Variants in BEST1 observed in about 807,000 individuals in gnomAD.
BEST1 encodes bestrophin-1.
A neutral mutation model predicts 63.3 loss-of-function variants in BEST1; 58 were observed. The ratio of observed to expected loss-of-function variants is 0.92; its 90% confidence interval spans 0.74 to 1.14. BEST1 has a LOEUF of 1.14. BEST1 is among the 50% of genes most tolerant of loss of function. The probability of loss-of-function intolerance (pLI) is 0.00; values close to 1 mark genes in which losing one functional copy is unlikely to be tolerated. For synonymous variants in BEST1, 283 were observed against 291.6 expected, an observed-to-expected ratio of 0.97 and a Z score of 0.30; for missense variants, 671 against 740.1, an observed-to-expected ratio of 0.91 and a Z score of 1.08.
rs1289896142 is a variant in BEST1 at position 61,963,659 on chromosome 11, G to C, written c.1740-445G>C. On this transcript the variant is annotated intron_variant, in intron 10 of 10. Transcript: ENST00000378043. ...AGCTATTATGATTGAAAACTTAAAA[G>C]GGCAACAATTTCAGTCTTGCTTCTA... The C allele has an allele frequency of 2.8e-6, 3 of 1,056,734 alleles. No homozygotes were observed. The African/African-American group carries it at 5.0e-5, about 18-fold the overall frequency. 65.5% of individuals were successfully genotyped at this position (1,056,734 alleles called of 1,614,324 possible).
At chr11:61,963,213 G>A (rs974069121) in intron 10 of BEST1, 3 of 1,414,136 alleles carry the variant, frequency 2.1e-6, no homozygotes, top group African/African-American at 2.9e-5. Flanking sequence ...GCTTAGCTGA[G>A]CAGATGTTAT....
In BEST1 at chr11:61,955,136, T is replaced by A; in HGVS notation, c.182T>A (p.Met61Lys). The change falls in exon 3 of 11, where the codon ATG becomes AAG. Residue 61 changes from methionine (M) to lysine (K), a missense_variant. By Grantham distance (95) the Met-to-Lys change is moderately conservative. Coordinates refer to ENST00000378043, the MANE Select transcript of BEST1 (RefSeq NM_004183.4). ...GCCCTCACGGAAGAACAACAGCTGATGTTTGAGAAACTGACTCTGTATTGC... is the reference window on the plus strand; with the variant it reads ...GCCCTCACGGAAGAACAACAGCTGAAGTTTGAGAAACTGACTCTGTATTGC... ...RLALTEEQQLMFEKLTLYCDS... is the reference protein window; with the variant it reads ...RLALTEEQQLKFEKLTLYCDS... 1 of 1,570,390 alleles carries A rather than the reference T, an allele frequency of 6.4e-7. No individual in the cohort carries two copies. Among genetic ancestry groups the A allele is most frequent in the Non-Finnish European group, 8.8e-7 (1 of 1,139,688 alleles).
rs1941088470 is a variant in BEST1 at position 61,954,751 on chromosome 11, A to T, written c.153-356A>T. 5 of 976,180 alleles carry T rather than the reference A, an allele frequency of 5.1e-6. No homozygotes were observed. The African/African-American group carries it at 8.8e-5, about 17-fold the overall frequency. The allele number at this position is 976,180 out of a possible 1,614,324, so 60.5% of individuals were successfully genotyped here. On this transcript the variant is annotated intron_variant, in intron 2 of 10. Coordinates refer to ENST00000378043, the MANE Select transcript of BEST1 (RefSeq NM_004183.4). Reference sequence around the variant, plus strand: ...AGGCGTGAACCACCGTGCCCGTCCCAAACACTCTGTTTCGACCTGCTTTTA... The same window carrying T: ...AGGCGTGAACCACCGTGCCCGTCCCTAACACTCTGTTTCGACCTGCTTTTA...
chr11:61,959,830 C>T (rs746327193), intron 8 of BEST1, 62 bp from the exon 9 acceptor site: 5 of 1,598,898 alleles, frequency 3.1e-6, no homozygotes, highest in Non-Finnish European at 4.3e-6. Context: ...AGTCATCAGG[C>T]ACATACAAGG....
At chr11:61,959,388 G>T in intron 7 of BEST1, 110 bp from the exon 8 acceptor site, 1 of 1,047,526 alleles carries the variant, frequency 9.5e-7, no homozygotes, top group Non-Finnish European at 1.5e-6. Flanking sequence ...CAGTGGTCAG[G>T]CAGGAAGGGC....
chr11:61,956,659 G>T (rs1229630574), intron 4 of BEST1, among the ~76,000 whole-genome samples, 185 bp from the exon 5 acceptor site: 2 of 152,036 alleles, frequency 1.3e-5, no homozygotes, highest in African/African-American at 2.4e-5. Context: ...CCTTTCTCTG[G>T]AAATAAATAA....
intron 4 of BEST1, among the ~76,000 whole-genome samples, chr11:61,956,285 G>T (rs1053527204): frequency 1.3e-5 from 2 of 152,082 alleles, no homozygotes; most frequent in African/African-American, 4.8e-5. Context: ...TTGATCTCCG[G>T]TTTCCACTCT....
At position 61,962,410 on chromosome 11, in the gene BEST1, C is replaced by A; in HGVS notation, c.1256C>A (p.Ser419Tyr). ...AAACTACTGTGGCCCAAGAGGGAAT[C>A]CCTTCTCCACGAGGGCCTGCCCAAA... ...RTKLLWPKRE[S>Y]LLHEGLPKNH... The change falls in exon 10 of 11, where the codon TCC becomes TAC. Residue 419 changes from serine to tyrosine, a missense_variant. Physicochemically the swap from Ser to Tyr is moderately radical, Grantham distance 144. Transcript: ENST00000378043. The A allele has an allele frequency of 6.2e-7, 1 of 1,614,204 alleles. No individual in the cohort carries two copies. Among genetic ancestry groups the A allele is most frequent in the South Asian group, 1.1e-5 (1 of 91,090 alleles).
In BEST1 at chr11:61,958,248, G is replaced by T; in HGVS notation, c.817G>T (p.Val273Leu). Residue 273 changes from valine to leucine, a missense_variant, in exon 7 of 11, where the codon GTG (valine) becomes TTG (leucine). Transcript: ENST00000378043. Reference sequence around the variant, plus strand: ...CCCTGGCCATGAGCTGGACCTCGTTGTGCCCGTCTTCACGTTCCTGCAGTT... The same window carrying T: ...CCCTGGCCATGAGCTGGACCTCGTTTTGCCCGTCTTCACGTTCCTGCAGTT... ...AYPGHELDLV[V>L]PVFTFLQFFF... The T allele has an allele frequency of 1.2e-6, 2 of 1,614,216 alleles. No homozygotes were observed. Among genetic ancestry groups the T allele is most frequent in the Non-Finnish European group, 1.7e-6 (2 of 1,180,036 alleles).
Position 61,955,202 on chromosome 11 carries a change from GT to G in BEST1, c.247+2del, listed in dbSNP as rs1565387045. On this transcript the variant is annotated splice_donor_variant, in intron 3 of 10. Transcript: ENST00000378043. LOFTEE classifies it high-confidence loss of function. ...CTCATCCCCATTTCCTTCGTGCTGG[GT>G]GAGTTCCCCCTTCTGGCTGTTCCGG... 1 of 1,614,134 alleles carries G rather than the reference GT, an allele frequency of 6.2e-7. No homozygotes were observed. Among genetic ancestry groups the G allele is most frequent in the Non-Finnish European group, 8.5e-7 (1 of 1,180,010 alleles).
chr11:61,955,652 C>A, intron 3 of BEST1, 66 bp from the exon 4 acceptor site: 2 of 1,477,576 alleles, frequency 1.4e-6, no homozygotes, highest in Non-Finnish European at 1.8e-6. Context: ...CATCGCCGGG[C>A]GCTGGGCCCT....
chr11:61,963,322 G>A (rs1005582503), intron 10 of BEST1: 5 of 1,333,136 alleles, frequency 3.8e-6, no homozygotes, highest in Non-Finnish European at 3.8e-6. Context: ...TAACTATTTA[G>A]GGTAGTACCC....
At position 61,958,127 on chromosome 11, in the gene BEST1, A is replaced by ATCCTCCTCG; in HGVS notation, c.715-11_715-10insGTCCTCCTC. The ATCCTCCTCG allele has an allele frequency of 1.9e-6, 3 of 1,544,422 alleles. No individual in the cohort carries two copies. The highest frequency in any genetic ancestry group is 2.7e-6 in the Non-Finnish European group (3 of 1,127,748). On this transcript the variant is annotated intron_variant, in intron 6 of 10. Transcript: ENST00000378043. Reference sequence around the variant, plus strand: ...TTCCCACCTAGCCCTTTGCTACCACATCCTCCTCCTCCTCCCAGGTGGTGA... The same window carrying ATCCTCCTCG: ...TTCCCACCTAGCCCTTTGCTACCACATCCTCCTCGTCCTCCTCCTCCTCCCAGGTGGTGA...
At chr11:61,963,974 C>A in intron 10 of BEST1, 130 bp from the exon 11 acceptor site, 1 of 1,507,832 alleles carries the variant, frequency 6.6e-7, no homozygotes, top group Non-Finnish European at 8.8e-7. Context: ...GCCTGGGCGA[C>A]GGAGTGAGAC....
intron 4 of BEST1, 31 bp from the exon 5 acceptor site, chr11:61,956,813 C>A: frequency 6.2e-7 from 1 of 1,613,724 alleles, no homozygotes; most frequent in Non-Finnish European, 8.5e-7. Flanking sequence ...CAGGTTCTCC[C>A]ACCCACCGCC....
Position 61,964,428 on chromosome 11 carries a change from A to G in BEST1, c.*306A>G, listed in dbSNP as rs781003636. On this transcript the variant is annotated 3_prime_UTR_variant, in exon 11 of 11. Transcript: ENST00000378043. Reference sequence around the variant, plus strand: ...ACAGCCACACCTTAGTATACTGCCCAAACTAATGAGTTTAATAAATACAAA... The same window carrying G: ...ACAGCCACACCTTAGTATACTGCCCGAACTAATGAGTTTAATAAATACAAA... 1 of 619,032 alleles carries G rather than the reference A, an allele frequency of 1.6e-6. No individual in the cohort carries two copies. The highest frequency in any genetic ancestry group is 2.8e-6 in the Non-Finnish European group (1 of 357,802). 38.3% of individuals were successfully genotyped at this position (619,032 alleles called of 1,614,324 possible).
rs1942378999 is a variant in BEST1 at position 61,964,343 on chromosome 11, A to G, written c.*221A>G. The stretch of plus-strand genomic sequence containing the variant: ...GTGAAAGCTAGACTGAACCATTGGA[A>G]ACATTTAACTCAGACTCTGGATTCA... On this transcript the variant is annotated 3_prime_UTR_variant, in exon 11 of 11. Transcript: ENST00000378043. 9 of 897,566 alleles carry G rather than the reference A, an allele frequency of 1.0e-5. No individual in the cohort carries two copies. The highest frequency in any genetic ancestry group is 1.3e-5 in the Non-Finnish European group (8 of 606,932). The allele number at this position is 897,566 out of a possible 1,614,324, so 55.6% of individuals were successfully genotyped here.
intron 7 of BEST1, chr11:61,958,873 GACAC>G (rs71471844): frequency 5.1e-4 from 99 of 192,632 alleles, no homozygotes; most frequent in African/African-American, 1.0e-3. Context: ...CTGTCACTGT[GACAC>G]ACACACACAC....
At chr11:61,954,792 G>T (rs1382583519) in intron 2 of BEST1, 11 of 985,152 alleles carry the variant, frequency 1.1e-5, no homozygotes, top group Non-Finnish European at 1.3e-5. Context: ...CTGACCCTTG[G>T]CTGCATTCAA....
Sources: allele counts gnomAD v4.1 joint callset (sites outside exome capture counted in the v4.1 genomes callset), GRCh38; gene constraint gnomAD v4.1.1; transcripts MANE v1.5; gene names NCBI Gene and HGNC (gene_info 2026-07-23, HGNC 2026-07-21).